RAB2A: variants seen among roughly 807,000 people sequenced by gnomAD.
The protein encoded by RAB2A is RAB2A, member RAS oncogene family, also known as ras-related protein Rab-2A.
RAB2A carries 7 observed loss-of-function variants against 32.5 expected under a neutral mutation model. That is an observed-to-expected ratio of 0.22 (90% CI 0.12 to 0.40). The LOEUF is 0.40. Among genes scored for constraint, RAB2A ranks in the 10% least tolerant of loss-of-function variants. The pLI, the probability that RAB2A is intolerant of heterozygous loss-of-function variation, is 1.00. For synonymous variants in RAB2A, 79 were observed against 85.2 expected, an observed-to-expected ratio of 0.93 and a Z score of 0.40; for missense variants, 108 against 260.7, an observed-to-expected ratio of 0.41 and a Z score of 4.03.
At chr8:60,575,759 G>T (rs1803603218) in intron 3 of RAB2A, among the ~76,000 whole-genome samples, 1 of 150,390 alleles carries the variant, frequency 6.6e-6, no homozygotes. Flanking sequence ...CCGGGTTCAA[G>T]CGATTCTCTT....
intron 6 of RAB2A, among the ~76,000 whole-genome samples, chr8:60,596,771 A>G (rs1356223956): frequency 6.6e-6 from 1 of 152,110 alleles, no homozygotes; most frequent in Non-Finnish European, 1.5e-5. Flanking sequence ...AATATAAAAA[A>G]TTAGCCAGGC....
chr8:60,532,270 A>G (rs73257499), intron 1 of RAB2A, among the ~76,000 whole-genome samples: 12,485 of 152,272 alleles, frequency 0.082, 1,558 homozygotes, highest in African/African-American at 0.27. Flanking sequence ...TGGATAAAGT[A>G]TTGTTAGTTC....
At chr8:60,592,740 T>A (rs1803963336) in intron 6 of RAB2A, among the ~76,000 whole-genome samples, 1 of 152,204 alleles carries the variant, frequency 6.6e-6, no homozygotes, top group African/African-American at 2.4e-5. Flanking sequence ...TTGGAGGTAG[T>A]ATGTATATAC....
chr8:60,609,679 G>C (rs926556670), intron 6 of RAB2A, among the ~76,000 whole-genome samples: 4 of 152,058 alleles, frequency 2.6e-5, no homozygotes, highest in African/African-American at 7.2e-5. Flanking sequence ...AGAAAATCCA[G>C]GTGAGGCTGG....
At chr8:60,608,308 A>T (rs1343215573) in intron 6 of RAB2A, among the ~76,000 whole-genome samples, 1 of 152,164 alleles carries the variant, frequency 6.6e-6, no homozygotes, top group Non-Finnish European at 1.5e-5. Flanking sequence ...AGCAAGAATT[A>T]TACCTTTTTT....
intron 2 of RAB2A, among the ~76,000 whole-genome samples, chr8:60,566,816 C>T (rs1808121366): frequency 6.6e-6 from 1 of 152,128 alleles, no homozygotes; most frequent in Non-Finnish European, 1.5e-5. Flanking sequence ...TTATGTCTGT[C>T]TGTACCCATT....
At chr8:60,523,714 C>G (rs1807336017) in intron 1 of RAB2A, among the ~76,000 whole-genome samples, 1 of 137,136 alleles carries the variant, frequency 7.3e-6, no homozygotes, top group Non-Finnish European at 1.5e-5. Context: ...TTTTTTGAGA[C>G]AAGTCTCGCT....
intron 1 of RAB2A, among the ~76,000 whole-genome samples, chr8:60,553,972 G>T (rs1807896437): frequency 6.6e-6 from 1 of 152,156 alleles, no homozygotes. Context: ...AAAAAGATAT[G>T]ATATCATTTC....
chr8:60,581,885 T>G (rs576334336), intron 3 of RAB2A, among the ~76,000 whole-genome samples: 5 of 151,718 alleles, frequency 3.3e-5, no homozygotes, highest in Non-Finnish European at 7.4e-5. Context: ...ACAATCAATT[T>G]AAAATAAAAA....
At chr8:60,581,460 A>C (rs1237920762) in intron 3 of RAB2A, among the ~76,000 whole-genome samples, 2 of 152,196 alleles carry the variant, frequency 1.3e-5, no homozygotes, top group Admixed American at 1.3e-4. Context: ...CACTACTCAG[A>C]ATAGTGTACA....
Position 60,517,075 on chromosome 8 carries a change from C to A in RAB2A, c.-133C>A. The A allele has an allele frequency of 1.1e-6, 1 of 899,058 alleles. No homozygotes were observed. Among genetic ancestry groups the A allele is most frequent in the Non-Finnish European group, 1.6e-6 (1 of 632,842 alleles). The allele number at this position is 899,058 out of a possible 1,614,324, so 55.7% of individuals were successfully genotyped here. ...CTTCCTCACAGCCCCTCACTCCCGG[C>A]GGCTGACAGCAGCAGCGGCGGCGGC... On this transcript the variant is annotated 5_prime_UTR_variant, in exon 1 of 8. Coordinates refer to ENST00000262646, the MANE Select transcript of RAB2A (RefSeq NM_002865.3).
At chr8:60,535,425 C>G (rs1217358276) in intron 1 of RAB2A, among the ~76,000 whole-genome samples, 2 of 152,174 alleles carry the variant, frequency 1.3e-5, no homozygotes. Flanking sequence ...TGTCCCAATT[C>G]TACCAGTAGG....
intron 1 of RAB2A, among the ~76,000 whole-genome samples, chr8:60,536,182 GTACT>G (rs746434267): frequency 6.6e-6 from 1 of 152,126 alleles, no homozygotes; most frequent in Non-Finnish European, 1.5e-5. Context: ...TATATTTCAG[GTACT>G]TACAATTCAA....
chr8:60,566,287 A>G (rs1808112155), intron 2 of RAB2A, among the ~76,000 whole-genome samples: 1 of 152,078 alleles, frequency 6.6e-6, no homozygotes, highest in Non-Finnish European at 1.5e-5. Context: ...CAGCTCATTC[A>G]GTTTTTAATG....
intron 2 of RAB2A, chr8:60,559,296 C>A (rs1021095868): frequency 9.9e-6 from 2 of 202,042 alleles, no homozygotes; most frequent in Admixed American, 1.1e-4. Flanking sequence ...CGTTTCATGT[C>A]TCAGTTTCTC....
intron 3 of RAB2A, chr8:60,576,360 C>A (rs1803629967): frequency 4.6e-6 from 2 of 434,394 alleles, no homozygotes; most frequent in Admixed American, 5.0e-5. Context: ...TGTTCTTTTT[C>A]TCTTACTTTT....
chr8:60,555,796 TTC>T (rs1464482927), intron 1 of RAB2A, among the ~76,000 whole-genome samples: 4 of 152,180 alleles, frequency 2.6e-5, no homozygotes, highest in Non-Finnish European at 5.9e-5. Context: ...AATATCAAGA[TTC>T]CTCCAAGAAC....
At chr8:60,550,814 C>T (rs1235193595) in intron 1 of RAB2A, among the ~76,000 whole-genome samples, 1 of 152,166 alleles carries the variant, frequency 6.6e-6, no homozygotes, top group Non-Finnish European at 1.5e-5. Flanking sequence ...TATTTTATCT[C>T]AATAAACTTA....
At position 60,623,550 on chromosome 8, in the gene RAB2A, C is replaced by T. The variant is rs867321961; in HGVS notation, c.*2781C>T. ...GAATTGACTATACAAATAGGTAAAC[C>T]AGCATATCTACCTGTATTTCTCAGA... On this transcript the variant is annotated 3_prime_UTR_variant, in exon 8 of 8. Coordinates refer to ENST00000262646, the MANE Select transcript of RAB2A (RefSeq NM_002865.3). 2.6e-5 allele frequency: 4 copies of T among 152,214 alleles called. No individual in the cohort carries two copies. In the South Asian group the frequency reaches 8.3e-4, roughly 32 times the overall value. The allele number at this position is 152,214 out of a possible 1,614,324, so 9.4% of individuals were successfully genotyped here.
Sources: allele counts gnomAD v4.1 joint callset (sites outside exome capture counted in the v4.1 genomes callset), GRCh38; gene constraint gnomAD v4.1.1; transcripts MANE v1.5; gene names NCBI Gene and HGNC (gene_info 2026-07-23, HGNC 2026-07-21).